JUP: variants seen among roughly 807,000 people sequenced by gnomAD.
The protein encoded by JUP is junction plakoglobin, also known as catenin (cadherin-associated protein), gamma 80kDa.
Under a neutral mutation model 71.1 loss-of-function variants are expected in JUP, and 28 were observed. That is an observed-to-expected ratio of 0.39 (90% CI 0.29 to 0.54). The LOEUF (loss-of-function observed/expected upper bound fraction) is 0.54. JUP is among the 20% of genes least tolerant of loss of function. The pLI is 0.62. For synonymous variants in JUP, 401 were observed against 438.9 expected (o/e 0.91, Z 1.08); for missense variants, 869 against 1,030.1 (o/e 0.84, Z 2.14).
chr17:41,757,553 G>C lies in JUP; in HGVS notation c.1925-17C>G. 6.2e-7 allele frequency: 1 copy of C among 1,614,208 alleles called. No individual in the cohort carries two copies. Among genetic ancestry groups the C allele is most frequent in the Non-Finnish European group, 8.5e-7 (1 of 1,180,042 alleles). On this transcript the variant is annotated splice_polypyrimidine_tract_variant and intron_variant, in intron 11 of 13. Coordinates refer to ENST00000393931, the MANE Select transcript of JUP (RefSeq NM_002230.4). ...CGTAGGTGGCTGAGCAGAGAGGAAA[G>C]GAAAAGCCAGGTTAAACGTCGGCCA...
At chr17:41,772,781 G>C in intron 1 of JUP, 1 of 984,772 alleles carries the variant, frequency 1.0e-6, no homozygotes, top group Non-Finnish European at 1.2e-6. Context: ...ACTGCCGTCA[G>C]GAACCCCTCT....
chr17:41,780,841 T>A lies in JUP; in HGVS notation c.-9+5747A>T, dbSNP rs567125589. Among the ~76,000 whole-genome samples, 398 of 151,844 alleles carry A rather than the reference T, an allele frequency of 2.6e-3. 2 individuals carry two copies. Among genetic ancestry groups the A allele is most frequent in the African/African-American group, 9.4e-3 (390 of 41,392 alleles). On this transcript the variant is annotated intron_variant, in intron 1 of 13. Transcript: ENST00000393931. Reference sequence around the variant, plus strand: ...GAGTGGATCACCTGAGGTCAGGAGTTCAAGACCAGCCTGACCAATATGGTG... The same window carrying A: ...GAGTGGATCACCTGAGGTCAGGAGTACAAGACCAGCCTGACCAATATGGTG...
intron 8 of JUP, among the ~76,000 whole-genome samples, chr17:41,762,171 GAGAGAGTGTGT>G (rs1914976946): frequency 2.0e-5 from 1 of 50,140 alleles, no homozygotes; most frequent in African/African-American, 6.5e-5. Context: ...GAGAGAGAGA[GAGAGAGTGTGT>G]GTGTGTGTGT....
chr17:41,785,374 G>A (rs2047403375), intron 1 of JUP, among the ~76,000 whole-genome samples: 1 of 152,162 alleles, frequency 6.6e-6, no homozygotes, highest in South Asian at 2.1e-4. Flanking sequence ...ACTTACGCAG[G>A]CCTTGTCTGA....
chr17:41,777,988 C>T (rs576473194), intron 1 of JUP, among the ~76,000 whole-genome samples: 1 of 152,314 alleles, frequency 6.6e-6, no homozygotes, highest in African/African-American at 2.4e-5. Flanking sequence ...TCACCCCACA[C>T]CAGGAAACAA....
At chr17:41,763,576 G>C (rs894329122) in intron 7 of JUP, among the ~76,000 whole-genome samples, 2 of 152,150 alleles carry the variant, frequency 1.3e-5, no homozygotes, top group Non-Finnish European at 2.9e-5. Flanking sequence ...CTGAACCCAG[G>C]CTTGGCTCTA....
chr17:41,756,590 ACT>A (rs782710003), intron 12 of JUP, among the ~76,000 whole-genome samples: 2 of 139,326 alleles, frequency 1.4e-5, no homozygotes, highest in Non-Finnish European at 3.1e-5. Flanking sequence ...CAGGAGTGAG[ACT>A]CTGTCTCGAA....
chr17:41,779,496 T>C (rs946650048), intron 1 of JUP, among the ~76,000 whole-genome samples: 4 of 151,280 alleles, frequency 2.6e-5, no homozygotes, highest in Non-Finnish European at 4.4e-5. Flanking sequence ...CCCAGCTAAT[T>C]CTTTGTATTT....
rs576138643 is a variant in JUP, at chr17:41,777,915, G to A, written c.-8-6053C>T. ...GCTCCGTTCCCTGCTGGTGACCCCC[G>A]TGGGCAGATTCCCAAACTGGCAGAT... On this transcript the variant is annotated intron_variant, in intron 1 of 13. Transcript: ENST00000393931. 8.5e-5 allele frequency among the ~76,000 whole-genome samples: 13 copies of A among 152,320 alleles called. No homozygotes were observed. In the South Asian group the frequency reaches 1.2e-3, roughly 15 times the overall value.
chr17:41,779,098 T>C (rs1165761213), intron 1 of JUP, among the ~76,000 whole-genome samples: 1 of 151,030 alleles, frequency 6.6e-6, no homozygotes, highest in Non-Finnish European at 1.5e-5. Flanking sequence ...TAGCCAGGCA[T>C]GGTGGCAGGT....
At chr17:41,783,548 C>T (rs1034165495) in intron 1 of JUP, among the ~76,000 whole-genome samples, 1 of 152,072 alleles carries the variant, frequency 6.6e-6, no homozygotes, top group Non-Finnish European at 1.5e-5. Context: ...CCTTCTGGGC[C>T]TCCTAACGTG....
In JUP at chr17:41,758,391, A is replaced by G. The variant is rs371043995; in HGVS notation, c.1773+8T>C. On this transcript the variant is annotated splice_region_variant and intron_variant, in intron 10 of 13. Transcript: ENST00000393931. ...GGGACCTCTCCTGCCCACCTGCCCC[A>G]GACTCACCTGCACAAACAGGGGAAT... 9 of 1,612,578 alleles carry G rather than the reference A, an allele frequency of 5.6e-6. No individual in the cohort carries two copies. Among genetic ancestry groups the G allele is most frequent in the Non-Finnish European group, 7.6e-6 (9 of 1,179,980 alleles).
chr17:41,766,782 G>A (rs1915779898), intron 5 of JUP, among the ~76,000 whole-genome samples: 1 of 151,682 alleles, frequency 6.6e-6, no homozygotes, highest in Non-Finnish European at 1.5e-5. Context: ...TTGAACCCGG[G>A]AGGCGAAGGT....
chr17:41,769,932 T>C (rs1465627535), intron 2 of JUP, among the ~76,000 whole-genome samples: 4 of 151,086 alleles, frequency 2.6e-5, no homozygotes, highest in African/African-American at 9.8e-5. Context: ...TGCACACTTA[T>C]TATGTGCCTG....
intron 1 of JUP, among the ~76,000 whole-genome samples, chr17:41,782,701 G>T (rs973084617): frequency 6.6e-6 from 1 of 151,998 alleles, no homozygotes; most frequent in Non-Finnish European, 1.5e-5. Flanking sequence ...GCCAGGACAG[G>T]TATCACCCCC....
intron 1 of JUP, among the ~76,000 whole-genome samples, chr17:41,783,791 C>T (rs1251637104): frequency 1.3e-5 from 2 of 150,564 alleles, no homozygotes; most frequent in Admixed American, 6.7e-5. Context: ...TGGTGGCACA[C>T]GCCTGTAATC....
chr17:41,771,172 G>A (rs1439854790), intron 2 of JUP, among the ~76,000 whole-genome samples: 1 of 152,182 alleles, frequency 6.6e-6, no homozygotes, highest in Non-Finnish European at 1.5e-5. Flanking sequence ...TGGGACTACA[G>A]GTGCATGCGC....
chr17:41,766,307 G>A (rs931106830), intron 5 of JUP, among the ~76,000 whole-genome samples: 1 of 147,988 alleles, frequency 6.8e-6, no homozygotes. Flanking sequence ...GGAAGAGAGG[G>A]AAAGGAAAAG....
Position 41,782,514 on chromosome 17 carries a change from C to G in JUP, c.-9+4074G>C, listed in dbSNP as rs1346398461. On this transcript the variant is annotated intron_variant, in intron 1 of 13. Transcript: ENST00000393931. ...CTCCCACTTCCTACACATGAACAAGCCCAGAACAGCCATGGTTCTACCTAA... is the reference window on the plus strand; with the variant it reads ...CTCCCACTTCCTACACATGAACAAGGCCAGAACAGCCATGGTTCTACCTAA... Among the ~76,000 whole-genome samples the G allele has an allele frequency of 2.0e-5, 3 of 152,264 alleles. No individual in the cohort carries two copies. In the South Asian group the frequency reaches 6.2e-4, roughly 32 times the overall value.
Sources: allele counts gnomAD v4.1 joint callset (sites outside exome capture counted in the v4.1 genomes callset), GRCh38; gene constraint gnomAD v4.1.1; transcripts MANE v1.5; gene names NCBI Gene and HGNC (gene_info 2026-07-23, HGNC 2026-07-21).